YEATS2: variants seen among roughly 807,000 people sequenced by gnomAD.
YEATS2 encodes the protein YEATS domain containing 2, also known as YEATS domain-containing protein 2.
Under a neutral mutation model 163.2 loss-of-function variants are expected in YEATS2, and 77 were observed. That is an observed-to-expected ratio of 0.47 (90% CI 0.39 to 0.57). The LOEUF is 0.57. Among genes scored for constraint, YEATS2 ranks in the 20% least tolerant of loss-of-function variants. YEATS2 has a pLI of 0.00. For synonymous variants in YEATS2, 631 were observed against 645.1 expected (o/e 0.98, Z 0.33); for missense variants, 1,549 against 1,729.8 (o/e 0.90, Z 1.85).
At chr3:183,778,943 A>G (rs537218084) in intron 19 of YEATS2, among the ~76,000 whole-genome samples, 1 of 151,674 alleles carries the variant, frequency 6.6e-6, no homozygotes, top group Non-Finnish European at 1.5e-5. Flanking sequence ...CAGGTTGTTT[A>G]TTTCTTTTCT....
At chr3:183,750,076 G>A (rs959652458) in intron 9 of YEATS2, among the ~76,000 whole-genome samples, 10 of 151,398 alleles carry the variant, frequency 6.6e-5, no homozygotes, top group Non-Finnish European at 1.0e-4. Flanking sequence ...TGCCTGCCTC[G>A]GCCTCCCAAA....
At chr3:183,750,708 G>A (rs1720072951) in intron 9 of YEATS2, among the ~76,000 whole-genome samples, 1 of 152,080 alleles carries the variant, frequency 6.6e-6, no homozygotes, top group Non-Finnish European at 1.5e-5. Context: ...CATGTGTTTG[G>A]TGACCATGTG....
At chr3:183,756,834 C>T (rs934916093) in intron 12 of YEATS2, 145 bp downstream of exon 12, 2 of 728,522 alleles carry the variant, frequency 2.7e-6, no homozygotes, top group Non-Finnish European at 3.9e-6. Context: ...AAAGCCAATA[C>T]TCTTTCTCTG....
intron 15 of YEATS2, among the ~76,000 whole-genome samples, chr3:183,765,065 A>C (rs980492969): frequency 6.6e-6 from 1 of 152,200 alleles, no homozygotes; most frequent in Non-Finnish European, 1.5e-5. Context: ...ACTTTGAGGC[A>C]TTCGTAGCCA....
chr3:183,778,259 A>G (rs186865840), intron 19 of YEATS2, among the ~76,000 whole-genome samples: 2 of 152,354 alleles, frequency 1.3e-5, no homozygotes, highest in Admixed American at 1.3e-4. Flanking sequence ...CACTTAAGAT[A>G]TCTTGCACAG....
chr3:183,793,641 T>G (rs1311639808), intron 21 of YEATS2, among the ~76,000 whole-genome samples: 2 of 131,344 alleles, frequency 1.5e-5, no homozygotes, highest in African/African-American at 6.1e-5. Context: ...AGATGGAATT[T>G]TGTTCTTGTC....
chr3:183,773,783 C>A lies in YEATS2; in HGVS notation c.2357C>A (p.Thr786Lys). The A allele has an allele frequency of 1.2e-6, 2 of 1,606,570 alleles. No homozygotes were observed. Among genetic ancestry groups the A allele is most frequent in the Non-Finnish European group, 1.7e-6 (2 of 1,177,920 alleles). The change falls in exon 17 of 31, where the codon ACG becomes AAG. Residue 786 changes from threonine to lysine, a missense_variant. Coordinates refer to ENST00000305135, the MANE Select transcript of YEATS2 (RefSeq NM_018023.5). The part of the protein sequence containing the change: ...LIPQGAILRA[T>K]NNANLQSGSA... ...CCTCAAGGAGCCATCCTGCGAGCTA[C>A]GAACAATGCTAGTTAGTGAAACCAT... is the stretch of plus-strand genomic sequence containing the variant.
chr3:183,753,256 T>C (rs1577114981), intron 10 of YEATS2, among the ~76,000 whole-genome samples: 1 of 152,210 alleles, frequency 6.6e-6, no homozygotes, highest in African/African-American at 2.4e-5. Flanking sequence ...CCATGCCATT[T>C]TTAAATTTAA....
In YEATS2 at chr3:183,716,237, A is replaced by G. The variant is rs539646405; in HGVS notation, c.100+975A>G. Among the ~76,000 whole-genome samples the G allele has an allele frequency of 1.9e-4, 29 of 152,234 alleles. No homozygotes were observed. In the South Asian group the frequency reaches 5.2e-3, roughly 27 times the overall value. ...GCGTCCCAAAGTGCTGGGATTACAG[A>G]CGTGAGCCACCGCGCCCGGCAACAC... On this transcript the variant is annotated intron_variant, in intron 2 of 30. Coordinates refer to ENST00000305135, the MANE Select transcript of YEATS2 (RefSeq NM_018023.5).
At chr3:183,713,137 T>C (rs748081616) in intron 1 of YEATS2, among the ~76,000 whole-genome samples, 2 of 152,238 alleles carry the variant, frequency 1.3e-5, no homozygotes, top group African/African-American at 2.4e-5. Context: ...AAAAACTTGG[T>C]AAAAATATAA....
At chr3:183,742,143 G>A (rs1159500816) in intron 8 of YEATS2, among the ~76,000 whole-genome samples, 1 of 152,114 alleles carries the variant, frequency 6.6e-6, no homozygotes, top group Non-Finnish European at 1.5e-5. Context: ...GGTCCCAGGA[G>A]GTTGAGGCTG....
intron 1 of YEATS2, among the ~76,000 whole-genome samples, chr3:183,705,641 T>C (rs1294155943): frequency 6.6e-6 from 1 of 152,246 alleles, no homozygotes; most frequent in East Asian, 1.9e-4. Flanking sequence ...TAAAGAGCCT[T>C]TAAAGATGTA....
Position 183,722,123 on chromosome 3 carries a change from G to A in YEATS2, c.524G>A (p.Arg175Gln), listed in dbSNP as rs1716560527. The stretch of plus-strand genomic sequence containing the variant: ...AACAACATGGAGCAGAGACCAAGCC[G>A]AAATACTGGAAGGGTATATAGATGG... ...LSNNMEQRPS[R>Q]NTGRDTSRIT... is the part of the protein sequence containing the mutation. The change falls in exon 5 of 31, where the codon CGA becomes CAA. Residue 175 changes from arginine to glutamine, a missense_variant. Coordinates refer to ENST00000305135, the MANE Select transcript of YEATS2 (RefSeq NM_018023.5). The A allele has an allele frequency of 3.7e-6, 6 of 1,613,802 alleles. No homozygotes were observed. Among genetic ancestry groups the A allele is most frequent in the African/African-American group, 1.3e-5 (1 of 74,868 alleles).
At chr3:183,760,879 C>T (rs1214749615) in intron 13 of YEATS2, among the ~76,000 whole-genome samples, 2 of 152,052 alleles carry the variant, frequency 1.3e-5, no homozygotes, top group Non-Finnish European at 2.9e-5. Context: ...TAAATACAGT[C>T]CCTGTCCTTT....
chr3:183,727,658 A>C (rs1437509446), intron 6 of YEATS2, among the ~76,000 whole-genome samples: 1 of 152,208 alleles, frequency 6.6e-6, no homozygotes, highest in Non-Finnish European at 1.5e-5. Context: ...CATGAATCTA[A>C]GAAGGGGGCC....
At chr3:183,745,209 A>G (rs779839036) in intron 8 of YEATS2, among the ~76,000 whole-genome samples, 18 of 152,192 alleles carry the variant, frequency 1.2e-4, no homozygotes, top group Non-Finnish European at 2.5e-4. Context: ...TTAAAAATCC[A>G]TCTCCTTTCT....
intron 30 of YEATS2, chr3:183,810,237 T>G: frequency 2.3e-6 from 1 of 441,980 alleles, no homozygotes; most frequent in Non-Finnish European, 4.1e-6. Context: ...TTCTTTCTCT[T>G]TTCTCAGTTC....
At chr3:183,707,553 G>A (rs889204676) in intron 1 of YEATS2, among the ~76,000 whole-genome samples, 1 of 151,978 alleles carries the variant, frequency 6.6e-6, no homozygotes, top group African/African-American at 2.4e-5. Flanking sequence ...AAAAGAGAAT[G>A]TATTTTCTTT....
chr3:183,755,741 C>CTTTTTTTTT lies in YEATS2; in HGVS notation c.1391-766_1391-758dup, dbSNP rs57050296. Reference sequence around the variant, plus strand: ...ACTTACTGATTTTCTTCCTTCCTTTCTTTTTTTTTTTTTTTTTTTTTTTTT... The same window carrying CTTTTTTTTT: ...ACTTACTGATTTTCTTCCTTCCTTTCTTTTTTTTTTTTTTTTTTTTTTTTTTTTTTTTTT... On this transcript the variant is annotated intron_variant, in intron 11 of 30. Transcript: ENST00000305135. Among the ~76,000 whole-genome samples, 302 of 82,120 alleles carry CTTTTTTTTT rather than the reference C, an allele frequency of 3.7e-3. 21 individuals carry two copies. Among genetic ancestry groups the CTTTTTTTTT allele is most frequent in the East Asian group, 7.0e-3 (21 of 3,000 alleles). 53.9% of individuals were successfully genotyped at this position (82,120 alleles called of 152,430 possible).
Sources: gnomAD v4.1 joint callset for allele counts (sites outside exome capture counted in the v4.1 genomes callset) on GRCh38, gnomAD v4.1.1 for gene constraint, MANE v1.5 for transcripts, NCBI Gene and HGNC (gene_info 2026-07-23, HGNC 2026-07-21) for gene names.